Variants in DBNDD2 observed in about 807,000 individuals in gnomAD.
The protein encoded by DBNDD2 is dysbindin domain-containing protein 2.
A neutral mutation model predicts 14.0 loss-of-function variants in DBNDD2; 8 were observed. The observed-to-expected ratio is 0.57, with a 90% confidence interval of 0.33 to 1.03. The LOEUF is 1.03. DBNDD2 is among the 50% of genes least tolerant of loss of function. The pLI, the probability that DBNDD2 is intolerant of heterozygous loss-of-function variation, is 0.03. For missense variants in DBNDD2, 194 were observed against 206.0 expected (o/e 0.94, Z 0.36); for synonymous variants, 94 against 85.3 (o/e 1.10, Z -0.56).
upstream of DBNDD2, chr20:45,407,947 C>G (rs1271457876): frequency 7.3e-7 from 1 of 1,379,206 alleles, no homozygotes; most frequent in Non-Finnish European, 9.4e-7. Context: ...AAAGGAGGGG[C>G]GCGGGAGGAG....
chr20:45,407,847 G>T (rs1989549876), upstream of DBNDD2: 9 of 1,125,352 alleles, frequency 8.0e-6, no homozygotes, highest in South Asian at 3.3e-4. Flanking sequence ...TAGGGGCAGA[G>T]CCTAGTCTGG....
chr20:45,406,263 G>A, upstream of DBNDD2: 1 of 557,212 alleles, frequency 1.8e-6, no homozygotes, highest in South Asian at 2.3e-5. Flanking sequence ...CGGGTGCGTA[G>A]TCGTTGCGTG....
chr20:45,406,749 CG>C, upstream of DBNDD2: 1 of 1,264,608 alleles, frequency 7.9e-7, no homozygotes. Flanking sequence ...GCTCCGGCGG[CG>C]GTGGGCGCAG....
At chr20:45,407,857 GA>G (rs1224530531), upstream of DBNDD2, 3 of 1,141,250 alleles carry the variant, frequency 2.6e-6, no homozygotes, top group African/African-American at 4.7e-5. Flanking sequence ...GCCTAGTCTG[GA>G]AGTCAGGCCT....
At position 45,410,232 on chromosome 20, in the gene DBNDD2, CTT is replaced by C; in HGVS notation, c.*94_*95del. ...GAGCCTGTCGGGAGAAGACCAGACT[CTT>C]TACTTGCAGTAGGCACCAGAGGTGG... is the stretch of plus-strand genomic sequence containing the variant. On this transcript the variant is annotated 3_prime_UTR_variant, in exon 3 of 3. Transcript: ENST00000372710. 3 of 1,376,324 alleles carry C rather than the reference CTT, an allele frequency of 2.2e-6. No individual in the cohort carries two copies. The highest frequency in any genetic ancestry group is 2.1e-5 in the Admixed American group (1 of 48,510). 85.3% of individuals were successfully genotyped at this position (1,376,324 alleles called of 1,614,324 possible).
Position 45,410,216 on chromosome 20 carries a change from G to T in DBNDD2, c.*76G>T. On this transcript the variant is annotated 3_prime_UTR_variant, in exon 3 of 3. Coordinates refer to ENST00000372710, the MANE Select transcript of DBNDD2 (RefSeq NM_001048225.4). The stretch of plus-strand genomic sequence containing the variant: ...ACCACAGGCCCAGCCAGAGCCTGTC[G>T]GGAGAAGACCAGACTCTTTACTTGC... 1 of 1,484,812 alleles carries T rather than the reference G, an allele frequency of 6.7e-7. No individual in the cohort carries two copies. Among genetic ancestry groups the T allele is most frequent in the Non-Finnish European group, 9.1e-7 (1 of 1,093,348 alleles). The allele number at this position is 1,484,812 out of a possible 1,614,324, so 92.0% of individuals were successfully genotyped here.
chr20:45,410,122 G>A lies in DBNDD2; in HGVS notation c.468G>A (p.Glu156=), dbSNP rs1169948826. The A allele has an allele frequency of 1.3e-6, 2 of 1,551,910 alleles. No individual in the cohort carries two copies. The highest frequency in any genetic ancestry group is 3.9e-5 in the Admixed American group (2 of 51,016). Residue 156 remains glutamate, a synonymous_variant, in exon 3 of 3, where the codon GAG becomes GAA. Coordinates refer to ENST00000372710, the MANE Select transcript of DBNDD2 (RefSeq NM_001048225.4). ...AGGAAAGGGGTGATGGAGGGGCAGAGCCTGGAGCCTGCAGCTAGCAGTGGG... is the reference window on the plus strand; with the variant it reads ...AGGAAAGGGGTGATGGAGGGGCAGAACCTGGAGCCTGCAGCTAGCAGTGGG... ...EEEERGDGGA[E]PGACS is the part of the protein sequence containing the mutation.
upstream of DBNDD2, chr20:45,407,182 A>C: frequency 2.3e-6 from 1 of 438,620 alleles, no homozygotes; most frequent in Non-Finnish European, 3.0e-6. Flanking sequence ...GCTGGAGCAC[A>C]GGCTCCAGGG....
chr20:45,406,738 G>A, upstream of DBNDD2: 1 of 1,270,448 alleles, frequency 7.9e-7, no homozygotes, highest in East Asian at 3.3e-5. Context: ...TGCAGGTAGG[G>A]GCTCCGGCGG....
chr20:45,406,776 G>A (rs1989431207), upstream of DBNDD2: 1 of 1,259,450 alleles, frequency 7.9e-7, no homozygotes. Flanking sequence ...GCGGTGGACC[G>A]CGGAGGGGAC....
At chr20:45,406,473 A>G, upstream of DBNDD2, 1 of 1,526,172 alleles carries the variant, frequency 6.6e-7, no homozygotes. Context: ...TAACTTTTTG[A>G]CCGCCTTGGA....
At chr20:45,408,038 G>T, upstream of DBNDD2, 2 of 1,439,866 alleles carry the variant, frequency 1.4e-6, no homozygotes, top group Non-Finnish European at 1.8e-6. Flanking sequence ...TCCACCCTGA[G>T]ATCTCTGTCT....
rs201185742 is a variant in DBNDD2 at position 45,410,070 on chromosome 20, C to T, written c.416C>T (p.Thr139Met). Reference sequence around the variant, plus strand: ...AATCCAAGTGATGATGGAGCAGATACGCCCTTGGCACAGTCGGATGAAGAG... The same window carrying T: ...AATCCAAGTGATGATGGAGCAGATATGCCCTTGGCACAGTCGGATGAAGAG... ...SPNPSDDGAD[T>M]PLAQSDEEEE... Residue 139 changes from threonine to methionine, a missense_variant, in exon 3 of 3, where the codon ACG becomes ATG. Physicochemically the swap from Thr to Met is moderately conservative, Grantham distance 81 (BLOSUM62 -1). Transcript: ENST00000372710. The T allele has an allele frequency of 4.7e-5, 73 of 1,554,902 alleles. No individual in the cohort carries two copies. The highest frequency in any genetic ancestry group is 3.1e-4 in the African/African-American group (23 of 73,256).
At chr20:45,406,776 G>T, upstream of DBNDD2, 1 of 1,259,448 alleles carries the variant, frequency 7.9e-7, no homozygotes, top group Non-Finnish European at 9.9e-7. Flanking sequence ...GCGGTGGACC[G>T]CGGAGGGGAC....
At chr20:45,406,320 C>A (rs528927024), upstream of DBNDD2, 85 of 795,790 alleles carry the variant, frequency 1.1e-4, no homozygotes, top group East Asian at 2.8e-3. Context: ...TGGGCAGAAC[C>A]GGCGCGGGCG....
At chr20:45,408,045 G>C (rs1438897025), upstream of DBNDD2, 34 of 1,447,090 alleles carry the variant, frequency 2.3e-5, no homozygotes, top group Non-Finnish European at 2.6e-5. Flanking sequence ...TGAGATCTCT[G>C]TCTCTATCCT....
At chr20:45,408,053 C>T (rs1989570500), upstream of DBNDD2, 1 of 1,460,494 alleles carries the variant, frequency 6.8e-7, no homozygotes, top group African/African-American at 1.4e-5. Context: ...CTGTCTCTAT[C>T]CTATCCTGTC....
In DBNDD2 at chr20:45,410,231, T is replaced by G; in HGVS notation, c.*91T>G. ...AGAGCCTGTCGGGAGAAGACCAGAC[T>G]CTTTACTTGCAGTAGGCACCAGAGG... On this transcript the variant is annotated 3_prime_UTR_variant, in exon 3 of 3. Coordinates refer to ENST00000372710, the MANE Select transcript of DBNDD2 (RefSeq NM_001048225.4). The G allele has an allele frequency of 7.2e-7, 1 of 1,387,218 alleles. No individual in the cohort carries two copies. Among genetic ancestry groups the G allele is most frequent in the Non-Finnish European group, 9.9e-7 (1 of 1,011,524 alleles). 85.9% of individuals were successfully genotyped at this position (1,387,218 alleles called of 1,614,324 possible).
At chr20:45,408,025 C>A, upstream of DBNDD2, 5 of 1,432,064 alleles carry the variant, frequency 3.5e-6, no homozygotes, top group Non-Finnish European at 4.6e-6. Context: ...AGGAAGGGAA[C>A]CCTCCACCCT....
Sources: gnomAD v4.1 joint callset for allele counts on GRCh38, gnomAD v4.1.1 for gene constraint, MANE v1.5 for transcripts, NCBI Gene and HGNC (gene_info 2026-07-23, HGNC 2026-07-21) for gene names.